Variants in TRPM3 observed in about 807,000 individuals in gnomAD.
TRPM3 encodes transient receptor potential cation channel subfamily M member 3, also known as long transient receptor potential channel 3.
A neutral mutation model predicts 181.2 loss-of-function variants in TRPM3; 77 were observed. That is an observed-to-expected ratio of 0.42 (90% CI 0.35 to 0.51). TRPM3 has a LOEUF of 0.51. Among genes scored for constraint, TRPM3 ranks in the 20% least tolerant of loss-of-function variants. The pLI, the probability that TRPM3 is intolerant of heterozygous loss-of-function variation, is 0.01. For synonymous variants in TRPM3, 745 were observed against 796.4 expected (o/e 0.94, Z 1.09); for missense variants, 1,759 against 2,196.7 (o/e 0.80, Z 3.98).
At position 71,380,648 on chromosome 9, in the gene TRPM3, T is replaced by C. The variant is rs534698441; in HGVS notation, c.183+66005A>G. 2.0e-5 allele frequency among the ~76,000 whole-genome samples: 3 copies of C among 152,228 alleles called. No individual in the cohort carries two copies. The South Asian group carries it at 6.2e-4, about 32-fold the overall frequency. ...AAATAGTATGGCTAATATCTGATTA[T>C]TATTTCATATTATCTTAAACATAAA... On this transcript the variant is annotated intron_variant, in intron 1 of 24. Transcript: ENST00000357533.
chr9:71,281,621 C>T (rs2084712947), intron 1 of TRPM3, among the ~76,000 whole-genome samples: 1 of 152,150 alleles, frequency 6.6e-6, no homozygotes, highest in South Asian at 2.1e-4. Context: ...TCTTCCTAAA[C>T]TGAGGAGTTA....
chr9:71,283,252 C>T (rs964364164), intron 1 of TRPM3, among the ~76,000 whole-genome samples: 7 of 152,224 alleles, frequency 4.6e-5, no homozygotes, highest in Admixed American at 6.5e-5. Flanking sequence ...AGCATGATGT[C>T]CTTAAACTTC....
intron 1 of TRPM3, among the ~76,000 whole-genome samples, chr9:70,894,051 T>A (rs530168296): frequency 2.0e-5 from 3 of 152,202 alleles, no homozygotes; most frequent in Non-Finnish European, 4.4e-5. Flanking sequence ...CTTGGAAAAA[T>A]GTTTGGAACA....
At chr9:70,946,411 C>A (rs1178277439) in intron 1 of TRPM3, among the ~76,000 whole-genome samples, 2 of 150,926 alleles carry the variant, frequency 1.3e-5, no homozygotes, top group African/African-American at 2.4e-5. Context: ...GACTCTGAAT[C>A]AGTTTCCTCC....
intron 1 of TRPM3, among the ~76,000 whole-genome samples, chr9:70,990,956 T>C (rs188527861): frequency 8.5e-5 from 13 of 152,304 alleles, no homozygotes; most frequent in African/African-American, 2.9e-4. Flanking sequence ...AATGAATCCT[T>C]TCTAATATAA....
chr9:71,274,677 T>G (rs566503051), intron 1 of TRPM3, among the ~76,000 whole-genome samples: 15 of 152,190 alleles, frequency 9.9e-5, no homozygotes, highest in Non-Finnish European at 1.6e-4. Flanking sequence ...CTAAAATAAG[T>G]GTCATTTTCT....
intron 16 of TRPM3, 145 bp from the exon 17 acceptor site, chr9:70,619,240 C>T: frequency 3.0e-6 from 2 of 659,700 alleles, no homozygotes; most frequent in Non-Finnish European, 5.2e-6. Context: ...TAAATTCATC[C>T]AGCCAACATC....
intron 1 of TRPM3, among the ~76,000 whole-genome samples, chr9:71,366,542 T>C (rs2092340999): frequency 6.6e-6 from 1 of 152,160 alleles, no homozygotes; most frequent in African/African-American, 2.4e-5. Flanking sequence ...CCAGTTGGCC[T>C]AGGACTTAAC....
At chr9:70,833,452 A>G (rs2131810719) in intron 5 of TRPM3, among the ~76,000 whole-genome samples, 1 of 152,314 alleles carries the variant, frequency 6.6e-6, no homozygotes, top group African/African-American at 2.4e-5. Context: ...TTTAGGCTGA[A>G]AAATATTAGC....
chr9:70,923,828 C>A (rs12351736), intron 1 of TRPM3, among the ~76,000 whole-genome samples: 55,455 of 134,824 alleles, frequency 0.41, 11,392 homozygotes, highest in East Asian at 0.5. Context: ...CTCTCTCTCT[C>A]TATATATATA....
At chr9:71,048,504 G>A (rs1384772815) in intron 1 of TRPM3, among the ~76,000 whole-genome samples, 4 of 152,208 alleles carry the variant, frequency 2.6e-5, no homozygotes, top group African/African-American at 9.7e-5. Context: ...AGCGTGCTGG[G>A]TGGTATGCGC....
intron 1 of TRPM3, among the ~76,000 whole-genome samples, chr9:71,421,989 GT>G (rs201590635): frequency 1.3e-5 from 2 of 151,452 alleles, no homozygotes; most frequent in African/African-American, 2.4e-5. Context: ...CAAAAATGTT[GT>G]TTTTTTTGAA....
At chr9:71,153,449 C>G (rs1178514185) in intron 1 of TRPM3, among the ~76,000 whole-genome samples, 1 of 151,904 alleles carries the variant, frequency 6.6e-6, no homozygotes, top group East Asian at 1.9e-4. Context: ...TACCACCACA[C>G]CCAGCTAATT....
intron 1 of TRPM3, among the ~76,000 whole-genome samples, chr9:71,217,646 T>C (rs2079976758): frequency 6.6e-6 from 1 of 152,208 alleles, no homozygotes; most frequent in Admixed American, 6.5e-5. Context: ...TTTAAAGCCA[T>C]AGTTTTTAAG....
chr9:71,345,926 T>C (rs750037329), intron 1 of TRPM3, among the ~76,000 whole-genome samples: 2 of 152,224 alleles, frequency 1.3e-5, no homozygotes, highest in African/African-American at 4.8e-5. Context: ...TTGGCAGATG[T>C]GGACCAACTG....
intron 6 of TRPM3, among the ~76,000 whole-genome samples, chr9:70,799,924 G>C (rs1338230554): frequency 1.3e-5 from 2 of 152,130 alleles, no homozygotes; most frequent in East Asian, 1.9e-4. Context: ...CAGTCAATTT[G>C]AAGACTTGAT....
At chr9:70,693,778 A>G (rs1490887082) in intron 8 of TRPM3, among the ~76,000 whole-genome samples, 1 of 152,196 alleles carries the variant, frequency 6.6e-6, no homozygotes, top group Non-Finnish European at 1.5e-5. Context: ...AGGTCATACC[A>G]CTTGTTACTG....
intron 22 of TRPM3, among the ~76,000 whole-genome samples, chr9:70,586,966 C>T (rs1401698830): frequency 1.3e-5 from 2 of 151,778 alleles, no homozygotes; most frequent in Non-Finnish European, 2.9e-5. Flanking sequence ...ATTCAGTCAA[C>T]ATCACAGAGA....
intron 6 of TRPM3, among the ~76,000 whole-genome samples, chr9:70,818,534 G>A (rs137976268): frequency 4.6e-5 from 7 of 152,288 alleles, no homozygotes; most frequent in Admixed American, 1.3e-4. Context: ...CAAGGACTCT[G>A]ACAGGAAGGT....
Sources: gnomAD v4.1 joint callset for allele counts (sites outside exome capture counted in the v4.1 genomes callset) on GRCh38, gnomAD v4.1.1 for gene constraint, MANE v1.5 for transcripts, NCBI Gene and HGNC (gene_info 2026-07-23, HGNC 2026-07-21) for gene names.